Variants in TFEC observed in about 807,000 individuals in gnomAD.
The protein encoded by TFEC is transcription factor EC.
Under a neutral mutation model 41.6 loss-of-function variants are expected in TFEC, and 31 were observed. The ratio of observed to expected loss-of-function variants is 0.74; its 90% CI spans 0.56 to 1.01. TFEC has a LOEUF of 1.01. TFEC is among the 50% of genes least tolerant of loss of function. TFEC has a pLI of 0.00. For missense variants in TFEC, 402 were observed against 404.1 expected (o/e 0.99, Z 0.04); for synonymous variants, 143 against 140.6 (o/e 1.02, Z -0.12).
At chr7:115,965,820 C>T (rs757182589) in intron 3 of TFEC, among the ~76,000 whole-genome samples, 1 of 151,612 alleles carries the variant, frequency 6.6e-6, no homozygotes, top group Non-Finnish European at 1.5e-5. Flanking sequence ...CATAAATAAC[C>T]TGACCTGAAT....
intron 1 of TFEC, among the ~76,000 whole-genome samples, chr7:116,126,781 AG>A (rs1441624311): frequency 6.6e-6 from 1 of 152,196 alleles, no homozygotes; most frequent in Admixed American, 6.5e-5. Context: ...AAAAAGGAGC[AG>A]GGTGAGATTG....
rs776342092 is a variant in TFEC, at chr7:115,974,308, C to T, written c.181-52G>A. ...ATTGTACATAATGATAAAAGTTGTG[C>T]TTCAGTCTGAAAACAGAGAGAAAAA... On this transcript the variant is annotated intron_variant, in intron 2 of 7. Transcript: ENST00000265440. 2.9e-6 allele frequency: 4 copies of T among 1,368,744 alleles called. No individual in the cohort carries two copies. The South Asian group carries it at 7.4e-5, about 25-fold the overall frequency. The allele number at this position is 1,368,744 out of a possible 1,614,324, so 84.8% of individuals were successfully genotyped here. A position where few individuals can be genotyped will look rare whatever the true frequency, so the allele number is the denominator to read the frequency against.
intron 3 of TFEC, among the ~76,000 whole-genome samples, chr7:115,957,483 A>G (rs2130435928): frequency 6.6e-6 from 1 of 151,970 alleles, no homozygotes; most frequent in Non-Finnish European, 1.5e-5. Context: ...TTTTCAGAAA[A>G]CCTAAGTTGC....
intron 3 of TFEC, among the ~76,000 whole-genome samples, chr7:116,097,079 ACT>A (rs1171905569): frequency 6.7e-6 from 1 of 149,828 alleles, no homozygotes; most frequent in Non-Finnish European, 1.5e-5. Flanking sequence ...ACAGAGCGAC[ACT>A]CTGTTTCAAA....
intron 3 of TFEC, among the ~76,000 whole-genome samples, chr7:116,074,542 C>A (rs1038693203): frequency 2.0e-5 from 3 of 152,016 alleles, no homozygotes; most frequent in Non-Finnish European, 4.4e-5. Context: ...AAATGTAATT[C>A]AATACTACAG....
intron 3 of TFEC, among the ~76,000 whole-genome samples, chr7:116,055,929 A>G (rs1248398169): frequency 1.3e-5 from 2 of 152,126 alleles, no homozygotes; most frequent in African/African-American, 2.4e-5. Flanking sequence ...TCTTATTAAA[A>G]TTATAATTAA....
chr7:116,110,119 T>C (rs1797818964), intron 3 of TFEC, among the ~76,000 whole-genome samples: 1 of 152,164 alleles, frequency 6.6e-6, no homozygotes, highest in South Asian at 2.1e-4. Flanking sequence ...GAGATATACC[T>C]AATGTAAATG....
intron 3 of TFEC, among the ~76,000 whole-genome samples, chr7:116,050,262 A>C (rs1796275765): frequency 6.6e-6 from 1 of 152,172 alleles, no homozygotes; most frequent in Non-Finnish European, 1.5e-5. Flanking sequence ...GAAAAGAGAG[A>C]GGAATCAAAT....
At chr7:116,006,885 G>A (rs776097705) in intron 1 of TFEC, among the ~76,000 whole-genome samples, 1 of 152,152 alleles carries the variant, frequency 6.6e-6, no homozygotes, top group Non-Finnish European at 1.5e-5. Flanking sequence ...AGTCTCATGA[G>A]ATCTGATGGT....
chr7:115,953,226 C>G (rs148861589), intron 5 of TFEC, among the ~76,000 whole-genome samples: 131 of 152,144 alleles, frequency 8.6e-4, no homozygotes, highest in African/African-American at 2.1e-3. Flanking sequence ...GACATTTTCA[C>G]GCCAAAATCC....
chr7:116,035,937 G>A (rs909913337), intron 3 of TFEC, among the ~76,000 whole-genome samples: 2 of 151,716 alleles, frequency 1.3e-5, no homozygotes, highest in African/African-American at 4.8e-5. Flanking sequence ...AAAAATATGT[G>A]ACTACTTTGT....
rs78289610 is a variant in TFEC, at chr7:116,068,957, T to G, written c.198+41751A>C. On this transcript the variant is annotated intron_variant, in intron 3 of 8. Transcript: ENST00000484212. The stretch of plus-strand genomic sequence containing the variant: ...CCTGAACTTGATGAAATAATAGAAA[T>G]GAGAACACAACTTGAAGAAAATAGA... 6.9e-3 allele frequency among the ~76,000 whole-genome samples: 1,049 copies of G among 151,726 alleles called. 11 individuals are homozygous for G. Among genetic ancestry groups the G allele is most frequent in the African/African-American group, 0.024 (1,006 of 41,514 alleles).
rs1301549713 is a variant in TFEC, at chr7:115,935,925, T to C, written c.*4626A>G. On this transcript the variant is annotated 3_prime_UTR_variant, in exon 8 of 8. Coordinates refer to ENST00000265440, the MANE Select transcript of TFEC (RefSeq NM_012252.4). ...CAAGCAGATAAAAAGTTCCCTTTTA[T>C]GTATAAAGCAGTAGACAATAGTACT... 6.6e-6 allele frequency: 1 copy of C among 151,584 alleles called. No homozygotes were observed. The highest frequency in any genetic ancestry group is 2.4e-5 in the African/African-American group (1 of 41,414). 9.4% of individuals were successfully genotyped at this position (151,584 alleles called of 1,614,324 possible).
intron 1 of TFEC, among the ~76,000 whole-genome samples, chr7:116,009,826 G>A (rs542021898): frequency 1.6e-4 from 24 of 152,256 alleles, no homozygotes; most frequent in African/African-American, 5.1e-4. Context: ...TGTAGCTTAT[G>A]GGCAGGTGGA....
intron 1 of TFEC, among the ~76,000 whole-genome samples, chr7:115,985,370 G>A (rs946208390): frequency 3.3e-5 from 5 of 152,192 alleles, no homozygotes; most frequent in East Asian, 1.9e-4. Flanking sequence ...GCCTGTGAAC[G>A]TAGTTTTGCC....
At chr7:116,061,005 G>A (rs142746856) in intron 3 of TFEC, among the ~76,000 whole-genome samples, 242 of 152,208 alleles carry the variant, frequency 1.6e-3, no homozygotes, top group African/African-American at 5.5e-3. Context: ...CTGTGTTCAT[G>A]AGTCAGAAGA....
Position 116,024,903 on chromosome 7 carries a change from TTTG to T in TFEC, c.-73+5727_-73+5729del, listed in dbSNP as rs1032535252. On this transcript the variant is annotated intron_variant, in intron 1 of 7. Coordinates refer to ENST00000265440, the MANE Select transcript of TFEC (RefSeq NM_012252.4). ...ATTCCAGAATATCTTTGCTTGCTCT[TTTG>T]TTGTTGTTGTTGTTGCTGCTATGGT... 5.3e-5 allele frequency among the ~76,000 whole-genome samples: 8 copies of T among 152,186 alleles called. 1 individual carries two copies. The highest frequency in any genetic ancestry group is 1.7e-4 in the African/African-American group (7 of 41,542).
chr7:115,996,957 A>T (rs1437529053), intron 1 of TFEC, among the ~76,000 whole-genome samples: 1 of 152,190 alleles, frequency 6.6e-6, no homozygotes, highest in Non-Finnish European at 1.5e-5. Flanking sequence ...TTTTAAATAC[A>T]GGCCCTGGCT....
chr7:115,958,517 G>A (rs759411233), intron 3 of TFEC, among the ~76,000 whole-genome samples: 2 of 151,758 alleles, frequency 1.3e-5, no homozygotes, highest in Non-Finnish European at 2.9e-5. Flanking sequence ...GAATTCAGAT[G>A]GACTTCAATG....
Sources: gnomAD v4.1 joint callset for allele counts (sites outside exome capture counted in the v4.1 genomes callset) on GRCh38, gnomAD v4.1.1 for gene constraint, MANE v1.5 for transcripts, NCBI Gene and HGNC (gene_info 2026-07-23, HGNC 2026-07-21) for gene names.